VIL1: variants seen among roughly 807,000 people sequenced by gnomAD.
The protein encoded by VIL1 is villin 1.
In VIL1, 86 loss-of-function variants were observed where a neutral mutation model predicts 104.0. The ratio of observed to expected loss-of-function variants is 0.83; its 90% CI spans 0.69 to 0.99. The LOEUF (loss-of-function observed/expected upper bound fraction) is 0.99. Among genes scored for constraint, VIL1 ranks in the 50% least tolerant of loss-of-function variants. VIL1 has a pLI of 0.00. For missense variants in VIL1, 944 were observed against 1,054.1 expected, an observed-to-expected ratio of 0.90 and a Z score of 1.45; for synonymous variants, 394 against 412.6, an observed-to-expected ratio of 0.95 and a Z score of 0.55.
rs1260641426 is a variant in VIL1 at position 218,437,107 on chromosome 2, C to A, written c.1972-17C>A. 6.2e-7 allele frequency: 1 copy of A among 1,610,482 alleles called. No homozygotes were observed. The highest frequency in any genetic ancestry group is 8.5e-7 in the Non-Finnish European group (1 of 1,177,012). On this transcript the variant is annotated splice_polypyrimidine_tract_variant and intron_variant, in intron 16 of 19. Transcript: ENST00000248444. The stretch of plus-strand genomic sequence containing the variant: ...GAGGACAGGAAGGATGGACTGATCC[C>A]CTGGGTTTCTCAATAGGTCTTCTTC...
intron 3 of VIL1, among the ~76,000 whole-genome samples, chr2:218,425,124 AG>A (rs1369269587): frequency 1.3e-5 from 2 of 152,080 alleles, no homozygotes; most frequent in African/African-American, 2.4e-5. Context: ...TCTGTCGCCC[AG>A]GCTGGAGTGC....
intron 4 of VIL1, 139 bp from the exon 5 acceptor site, chr2:218,427,826 G>A (rs780138987): frequency 7.6e-5 from 55 of 721,224 alleles, no homozygotes; most frequent in African/African-American, 1.6e-4. Context: ...TAAAGTTTGC[G>A]CCCTCAGCAC....
chr2:218,432,512 G>T, intron 12 of VIL1: 1 of 694,962 alleles, frequency 1.4e-6, no homozygotes, highest in East Asian at 2.8e-5. Context: ...TCTCCCTGAA[G>T]AAGGAGCAGA....
At chr2:218,421,853 G>T (rs1038368460) in intron 1 of VIL1, among the ~76,000 whole-genome samples, 2 of 152,156 alleles carry the variant, frequency 1.3e-5, no homozygotes, top group Non-Finnish European at 2.9e-5. Flanking sequence ...ATGTCCCTGG[G>T]TGAGGCTTTA....
At chr2:218,446,220 G>C (rs1242460543) in intron 19 of VIL1, among the ~76,000 whole-genome samples, 1 of 152,136 alleles carries the variant, frequency 6.6e-6, no homozygotes, top group East Asian at 1.9e-4. Context: ...AAACTGATGA[G>C]GATTAACAAG....
At position 218,429,647 on chromosome 2, in the gene VIL1, C is replaced by T. The variant is rs1689062605; in HGVS notation, c.821C>T (p.Pro274Leu). The T allele has an allele frequency of 1.2e-6, 2 of 1,613,994 alleles. No individual in the cohort carries two copies. Residue 274 changes from proline to leucine, a missense_variant, in exon 8 of 20, where the codon CCA (proline) becomes CTA (leucine). Pro to Leu is a moderately conservative substitution (Grantham distance 98). Coordinates refer to ENST00000248444, the MANE Select transcript of VIL1 (RefSeq NM_007127.3). ...NLVVREVATRPLTQDLLSHED... is the reference protein window; with the variant it reads ...NLVVREVATRLLTQDLLSHED... ...GTGGTGAGGGAAGTCGCCACACGGC[C>T]ACTGACACAGGACCTGCTCAGTCAC... is the stretch of plus-strand genomic sequence containing the variant.
At chr2:218,423,041 G>T (rs1051511143) in intron 1 of VIL1, among the ~76,000 whole-genome samples, 1 of 152,212 alleles carries the variant, frequency 6.6e-6, no homozygotes, top group Non-Finnish European at 1.5e-5. Context: ...GCATCAGCAC[G>T]TTCCGAAGCT....
rs761119507 is a variant in VIL1 at position 218,429,310 on chromosome 2, G to A, written c.593G>A (p.Arg198Gln). Reference sequence around the variant, plus strand: ...GGCATGACTCTGGCCAAGGAGATCCGAGACCAGGAGCGGGGAGGGCGCACC... The same window carrying A: ...GGCATGACTCTGGCCAAGGAGATCCAAGACCAGGAGCGGGGAGGGCGCACC... ...LRGMTLAKEI[R>Q]DQERGGRTYV... The change falls in exon 7 of 20, where the codon CGA becomes CAA. Residue 198 changes from arginine (R) to glutamine (Q), a missense_variant. Coordinates refer to ENST00000248444, the MANE Select transcript of VIL1 (RefSeq NM_007127.3). The A allele has an allele frequency of 9.3e-6, 15 of 1,613,716 alleles. No homozygotes were observed. In the Admixed American group the frequency reaches 1.5e-4, roughly 16 times the overall value.
chr2:218,441,646 ATCCTGG>A (rs1250775333), intron 19 of VIL1, among the ~76,000 whole-genome samples: 3 of 152,142 alleles, frequency 2.0e-5, no homozygotes, highest in Admixed American at 1.3e-4. Flanking sequence ...CGTATCATGT[ATCCTGG>A]TGGTGAAGGG....
At chr2:218,425,399 G>A (rs972296713) in intron 3 of VIL1, among the ~76,000 whole-genome samples, 12 of 152,200 alleles carry the variant, frequency 7.9e-5, no homozygotes, top group Non-Finnish European at 1.2e-4. Context: ...TTATTTCTGA[G>A]ATGAGGCAAG....
At chr2:218,430,493 G>C (rs144082000) in intron 9 of VIL1, among the ~76,000 whole-genome samples, 1 of 152,280 alleles carries the variant, frequency 6.6e-6, no homozygotes, top group African/African-American at 2.4e-5. Context: ...GCTGAGGTCA[G>C]AGTGAGTCTT....
At chr2:218,447,010 C>T (rs1689374412) in intron 19 of VIL1, among the ~76,000 whole-genome samples, 1 of 151,566 alleles carries the variant, frequency 6.6e-6, no homozygotes, top group African/African-American at 2.4e-5. Flanking sequence ...GTGATCCACT[C>T]GCCTTGGCCT....
rs1689206571 is a variant in VIL1 at position 218,437,190 on chromosome 2, G to A, written c.2038G>A (p.Glu680Lys). Reference sequence around the variant, plus strand: ...GAAGGCCGCAGCAACCACTGCACAGGAATACCTCAAGACCCATCCCAGCGG... The same window carrying A: ...GAAGGCCGCAGCAACCACTGCACAGAAATACCTCAAGACCCATCCCAGCGG... Reference protein sequence around the residue: ...EKKAAATTAQEYLKTHPSGRD... With the variant: ...EKKAAATTAQKYLKTHPSGRD... The change falls in exon 17 of 20, where the codon GAA (glutamate) becomes AAA (lysine). Residue 680 changes from glutamate to lysine, a missense_variant. By Grantham distance (56) the Glu-to-Lys change is moderately conservative (BLOSUM62 1). Transcript: ENST00000248444. 1 of 1,614,178 alleles carries A rather than the reference G, an allele frequency of 6.2e-7. No homozygotes were observed. The highest frequency in any genetic ancestry group is 2.2e-5 in the East Asian group (1 of 44,882).
Position 218,441,154 on chromosome 2 carries a change from C to T in VIL1, c.2370+292C>T, listed in dbSNP as rs536353611. On this transcript the variant is annotated intron_variant, in intron 19 of 19. Coordinates refer to ENST00000248444, the MANE Select transcript of VIL1 (RefSeq NM_007127.3). ...CTGTAATCCCAGCACTTTGGGAGGCCGAGGTGGGTGGATCACCTGAGGTCA... is the reference window on the plus strand; with the variant it reads ...CTGTAATCCCAGCACTTTGGGAGGCTGAGGTGGGTGGATCACCTGAGGTCA... 9.2e-5 allele frequency among the ~76,000 whole-genome samples: 14 copies of T among 152,094 alleles called. No individual in the cohort carries two copies. The East Asian group carries it at 2.5e-3, about 27-fold the overall frequency.
At chr2:218,427,589 G>T (rs1245687871) in intron 4 of VIL1, among the ~76,000 whole-genome samples, 1 of 152,112 alleles carries the variant, frequency 6.6e-6, no homozygotes, top group East Asian at 1.9e-4. Flanking sequence ...GCCTCCCAAA[G>T]TGCTGGGATT....
chr2:218,453,253 T>G lies in VIL1; in HGVS notation c.*3917T>G, dbSNP rs1689538818. The G allele has an allele frequency of 1.3e-5, 2 of 151,924 alleles. No homozygotes were observed. Among genetic ancestry groups the G allele is most frequent in the East Asian group, 3.9e-4 (2 of 5,184 alleles). 9.4% of individuals were successfully genotyped at this position (151,924 alleles called of 1,614,324 possible). A position where few individuals can be genotyped will look rare whatever the true frequency, so the allele number is the denominator to read the frequency against. ...CTTCTGTGATGATGGTTTGTGTTTT[T>G]TTTGTTTTTGTTTTCGTTTTTTTTA... On this transcript the variant is annotated 3_prime_UTR_variant, in exon 20 of 20. Transcript: ENST00000248444.
intron 19 of VIL1, among the ~76,000 whole-genome samples, chr2:218,448,033 GTGGAC>G (rs1318283537): frequency 6.6e-6 from 1 of 152,230 alleles, no homozygotes; most frequent in Non-Finnish European, 1.5e-5. Flanking sequence ...GCCAAGACGG[GTGGAC>G]TGTTTGAGCT....
chr2:218,449,076 C>G (rs779215988), intron 19 of VIL1, 147 bp from the exon 20 acceptor site: 1 of 672,856 alleles, frequency 1.5e-6, no homozygotes, highest in South Asian at 1.7e-5. Context: ...CCATCCCTTT[C>G]CTGGCTCTCC....
rs774381097 is a variant in VIL1, at chr2:218,423,764, C to T, written c.-11-4C>T. 14 of 1,613,968 alleles carry T rather than the reference C, an allele frequency of 8.7e-6. No homozygotes were observed. The highest frequency in any genetic ancestry group is 1.2e-5 in the Non-Finnish European group (14 of 1,179,988). On this transcript the variant is annotated splice_polypyrimidine_tract_variant and splice_region_variant and intron_variant, in intron 1 of 19. Transcript: ENST00000248444. ...GCCCCTGCTCCCAACGCCTTCTCCC[C>T]CAGGCTCACTCACCATGACCAAGCT... is the stretch of plus-strand genomic sequence containing the variant.
Sources: gnomAD v4.1 joint callset for allele counts (sites outside exome capture counted in the v4.1 genomes callset) on GRCh38, gnomAD v4.1.1 for gene constraint, MANE v1.5 for transcripts, NCBI Gene and HGNC (gene_info 2026-07-23, HGNC 2026-07-21) for gene names.